DNAH14: variants seen among roughly 807,000 people sequenced by gnomAD.
DNAH14 encodes axonemal beta dynein heavy chain 14.
Under a neutral mutation model 520.9 loss-of-function variants are expected in DNAH14, and 478 were observed. The observed-to-expected ratio is 0.92, with a 90% confidence interval of 0.85 to 0.99. The LOEUF is 0.99. Ranked by LOEUF, DNAH14 falls within the 50% of genes least tolerant of loss-of-function variation. The pLI is 0.00. For synonymous variants in DNAH14, 1,581 were observed against 1,757.2 expected (o/e 0.90, Z 2.51); for missense variants, 4,831 against 5,234.5 (o/e 0.92, Z 2.38).
At chr1:225,273,399 A>G (rs2093368632) in intron 52 of DNAH14, among the ~76,000 whole-genome samples, 1 of 152,258 alleles carries the variant, frequency 6.6e-6, no homozygotes, top group African/African-American at 2.4e-5. Flanking sequence ...AGATCGCACC[A>G]GTGCAGTCCA....
chr1:225,072,986 G>A (rs540512493), intron 17 of DNAH14, among the ~76,000 whole-genome samples: 1 of 152,270 alleles, frequency 6.6e-6, no homozygotes, highest in Non-Finnish European at 1.5e-5. Context: ...GAATGGGATT[G>A]GGAACCCACT....
rs533919945 is a variant in DNAH14 at position 225,242,497 on chromosome 1, A to G, written c.6748+1675A>G. Among the ~76,000 whole-genome samples, 108 of 152,268 alleles carry G rather than the reference A, an allele frequency of 7.1e-4. 1 individual carries two copies. Among genetic ancestry groups the G allele is most frequent in the African/African-American group, 2.5e-3 (104 of 41,558 alleles). On this transcript the variant is annotated intron_variant, in intron 43 of 85. Transcript: ENST00000682510. ...GGCCTACGTGGGGTCAAGTTCATCA[A>G]TATCACTGTCTTCCACCTCCATATA... is the stretch of plus-strand genomic sequence containing the variant.
At chr1:225,107,283 C>T (rs1422806120) in intron 23 of DNAH14, among the ~76,000 whole-genome samples, 1 of 152,134 alleles carries the variant, frequency 6.6e-6, no homozygotes, top group Non-Finnish European at 1.5e-5. Context: ...GTCAGTCTGC[C>T]CCTACTGGGG....
chr1:225,112,234 GAT>G (rs2076539067), intron 23 of DNAH14, among the ~76,000 whole-genome samples: 1 of 152,138 alleles, frequency 6.6e-6, no homozygotes, highest in African/African-American at 2.4e-5. Flanking sequence ...ATTTTGGACA[GAT>G]ATACTATACT....
intron 37 of DNAH14, among the ~76,000 whole-genome samples, chr1:225,192,163 T>G (rs1335455402): frequency 1.3e-5 from 2 of 152,108 alleles, no homozygotes; most frequent in Non-Finnish European, 2.9e-5. Flanking sequence ...AGGCCTTATA[T>G]GGTCTGTCAT....
intron 66 of DNAH14, among the ~76,000 whole-genome samples, chr1:225,335,091 A>G (rs552453288): frequency 1.7e-4 from 26 of 149,124 alleles, no homozygotes; most frequent in Non-Finnish European, 2.7e-4. Flanking sequence ...ATGTACATAT[A>G]TACATATATG....
chr1:225,218,835 C>A (rs1201264837), intron 41 of DNAH14, among the ~76,000 whole-genome samples: 2 of 152,186 alleles, frequency 1.3e-5, no homozygotes, highest in Non-Finnish European at 2.9e-5. Context: ...GAACTCTCCA[C>A]CCTAAATCTA....
intron 15 of DNAH14, among the ~76,000 whole-genome samples, chr1:225,049,047 ATTTTTTTTTTT>A (rs71170051): frequency 2.0e-4 from 11 of 56,302 alleles, no homozygotes; most frequent in African/African-American, 7.4e-4. Flanking sequence ...TCTCTTGCCT[ATTTTTTTTTTT>A]TTTTTTTTTT....
intron 23 of DNAH14, among the ~76,000 whole-genome samples, chr1:225,101,569 C>T (rs1158285858): frequency 6.6e-6 from 1 of 152,070 alleles, no homozygotes; most frequent in Non-Finnish European, 1.5e-5. Context: ...ATTTCACTTG[C>T]TTCAAATGTT....
chr1:225,102,799 T>C (rs1027768064), intron 23 of DNAH14, among the ~76,000 whole-genome samples: 2 of 152,154 alleles, frequency 1.3e-5, no homozygotes, highest in African/African-American at 2.4e-5. Flanking sequence ...AGCCCTTTGT[T>C]AGATGAGTAG....
intron 10 of DNAH14, among the ~76,000 whole-genome samples, chr1:225,016,833 G>C (rs924192481): frequency 2.6e-5 from 4 of 151,222 alleles, no homozygotes; most frequent in African/African-American, 9.7e-5. Flanking sequence ...GTTGCTGAAG[G>C]TCTCAGTTGC....
rs1309918939 is a variant in DNAH14 at position 225,231,125 on chromosome 1, T to C, written c.6492T>C (p.Ser2164=). The C allele has an allele frequency of 1.9e-6, 3 of 1,547,724 alleles. No individual in the cohort carries two copies. In the Admixed American group the frequency reaches 6.0e-5, roughly 31 times the overall value. The change falls in exon 42 of 86, where the codon TCT becomes TCC. Residue 2164 remains serine, a synonymous_variant. Transcript: ENST00000682510. Reference sequence around the variant, plus strand: ...AGGAGGCAAATTCCCAAAGAGAGTCTGTCACATTCAAGGATATAGAAAAGA... The same window carrying C: ...AGGAGGCAAATTCCCAAAGAGAGTCCGTCACATTCAAGGATATAGAAAAGA... ...SSKEANSQRE[S]VTFKDIEKRD...
chr1:224,965,351 A>G (rs1053444819), intron 5 of DNAH14, among the ~76,000 whole-genome samples: 1 of 152,080 alleles, frequency 6.6e-6, no homozygotes, highest in Non-Finnish European at 1.5e-5. Flanking sequence ...GAGCCTTGCA[A>G]TCTGTATTTT....
chr1:225,215,651 G>A (rs1355866288), intron 41 of DNAH14, among the ~76,000 whole-genome samples: 2 of 152,080 alleles, frequency 1.3e-5, no homozygotes, highest in Non-Finnish European at 2.9e-5. Context: ...ATTATGTGAT[G>A]GCCTTCTTTG....
chr1:225,392,186 TCCTCCAC>T, intron 83 of DNAH14, 98 bp from the exon 84 acceptor site: 1 of 1,344,476 alleles, frequency 7.4e-7, no homozygotes, highest in Non-Finnish European at 1.0e-6. Flanking sequence ...TCTCTCTTTT[TCCTCCAC>T]TCTTCCCTTT....
In DNAH14 at chr1:224,967,449, G is replaced by A; in HGVS notation, c.517G>A (p.Gly173Arg). The change falls in exon 6 of 86, where the codon GGA becomes AGA. Residue 173 changes from glycine to arginine, a missense_variant. Gly to Arg is a moderately radical substitution (Grantham distance 125). Transcript: ENST00000682510. ...ITLKKPLEDDGEFVYCLPRKS... is the reference protein window; with the variant it reads ...ITLKKPLEDDREFVYCLPRKS... ...ATCTCAGAAACCTTTGGAAGATGAT[G>A]GAGAATTTGTTTATTGCCTTCCTCG... 6.4e-7 allele frequency: 1 copy of A among 1,554,572 alleles called. No individual in the cohort carries two copies. The highest frequency in any genetic ancestry group is 2.3e-5 in the East Asian group (1 of 42,714).
chr1:225,265,408 G>A (rs896855368), intron 48 of DNAH14, 39 bp downstream of exon 48: 6 of 1,451,078 alleles, frequency 4.1e-6, no homozygotes, highest in Non-Finnish European at 5.4e-6. Context: ...ATCTGCTTAG[G>A]CTAGTCAAGT....
chr1:225,374,656 T>C, intron 77 of DNAH14, 32 bp from the exon 78 acceptor site: 1 of 1,495,630 alleles, frequency 6.7e-7, no homozygotes, highest in Non-Finnish European at 9.0e-7. Flanking sequence ...AAACACATAC[T>C]GAAATAATAA....
intron 55 of DNAH14, among the ~76,000 whole-genome samples, chr1:225,299,335 G>A (rs1441692060): frequency 6.6e-6 from 1 of 152,130 alleles, no homozygotes; most frequent in Non-Finnish European, 1.5e-5. Flanking sequence ...GACATATATA[G>A]TTATTGAGTA....
Sources: allele counts gnomAD v4.1 joint callset (sites outside exome capture counted in the v4.1 genomes callset), GRCh38; gene constraint gnomAD v4.1.1; transcripts MANE v1.5; gene names NCBI Gene and HGNC (gene_info 2026-07-23, HGNC 2026-07-21).